The following ACAD10 variants were observed in gnomAD, a reference collection of about 807,000 sequenced individuals.
The protein encoded by ACAD10 is acyl-CoA dehydrogenase family member 10, also known as ACAD-10.
A neutral mutation model predicts 116.8 loss-of-function variants in ACAD10; 112 were observed. The observed-to-expected ratio is 0.96, with a 90% confidence interval of 0.82 to 1.12. The LOEUF (loss-of-function observed/expected upper bound fraction) is 1.12. Ranked by LOEUF, ACAD10 falls within the 50% of genes most tolerant of loss-of-function variation. The pLI, the probability that ACAD10 is intolerant of heterozygous loss-of-function variation, is 0.00. For missense variants in ACAD10, 1,259 were observed against 1,350.2 expected, an observed-to-expected ratio of 0.93 and a Z score of 1.06; for synonymous variants, 486 against 510.6, an observed-to-expected ratio of 0.95 and a Z score of 0.65.
chr12:111,720,541 T>TC (rs371456500), intron 7 of ACAD10, among the ~76,000 whole-genome samples: 3 of 152,198 alleles, frequency 2.0e-5, no homozygotes, highest in Non-Finnish European at 4.4e-5. Context: ...TTTTCAAATG[T>TC]CCCTCTTTAT....
intron 12 of ACAD10, among the ~76,000 whole-genome samples, chr12:111,738,945 C>T (rs111298214): frequency 8.3e-5 from 11 of 132,866 alleles, no homozygotes; most frequent in African/African-American, 3.1e-4. Context: ...TCATTGATGA[C>T]CTCAGAGGTT....
Position 111,704,544 on chromosome 12 carries a change from G to A in ACAD10, c.337-1194G>A, listed in dbSNP as rs1593020586. On this transcript the variant is annotated intron_variant, in intron 3 of 20. Coordinates refer to ENST00000313698, the MANE Select transcript of ACAD10 (RefSeq NM_025247.6). ...CCATTGAATTGTACTCTTTAAATAG[G>A]TGACTTGCATGGCATGTGAATTAGA... Among the ~76,000 whole-genome samples, 4 of 152,194 alleles carry A rather than the reference G, an allele frequency of 2.6e-5. No individual in the cohort carries two copies. In the East Asian group the frequency reaches 5.8e-4, roughly 22 times the overall value.
Position 111,733,926 on chromosome 12 carries a change from C to G in ACAD10, c.1398C>G (p.Leu466=), listed in dbSNP as rs35268705. 6.2e-7 allele frequency: 1 copy of G among 1,614,180 alleles called. No homozygotes were observed. The highest frequency in any genetic ancestry group is 8.5e-7 in the Non-Finnish European group (1 of 1,180,042). Residue 466 remains leucine, a synonymous_variant, in exon 11 of 21, where the codon CTC becomes CTG. Coordinates refer to ENST00000313698, the MANE Select transcript of ACAD10 (RefSeq NM_025247.6). The part of the protein sequence containing the change: ...RTTVVHGDFR[L]DNLVFHPEEP... The stretch of plus-strand genomic sequence containing the variant: ...TATTCCTCCTGCGACTTTTCAGGCT[C>G]GACAACCTGGTGTTTCATCCAGAAG...
At chr12:111,734,848 A>G (rs1269305609) in intron 11 of ACAD10, among the ~76,000 whole-genome samples, 1 of 152,186 alleles carries the variant, frequency 6.6e-6, no homozygotes, top group Non-Finnish European at 1.5e-5. Context: ...TTCATTGTAT[A>G]CTGTAGACAT....
intron 8 of ACAD10, among the ~76,000 whole-genome samples, chr12:111,723,039 G>A (rs1308497716): frequency 4.3e-5 from 6 of 140,396 alleles, no homozygotes; most frequent in South Asian, 4.6e-4. Context: ...CCTCCCTCCC[G>A]GACGGGGCGG....
At chr12:111,712,767 G>A in intron 6 of ACAD10, 110 bp downstream of exon 6, 1 of 1,291,708 alleles carries the variant, frequency 7.7e-7, no homozygotes, top group Non-Finnish European at 1.1e-6. Flanking sequence ...AAGCTTTACA[G>A]TGAGGAAAAT....
intron 7 of ACAD10, 70 bp from the exon 8 acceptor site, chr12:111,721,601 A>G (rs1002040047): frequency 1.4e-6 from 2 of 1,396,188 alleles, no homozygotes; most frequent in Non-Finnish European, 2.0e-6. Context: ...CAAAAAACAA[A>G]GAAAAGTAAC....
In ACAD10 at chr12:111,719,511, C is replaced by T. The variant is rs575840451; in HGVS notation, c.993-2160C>T. Among the ~76,000 whole-genome samples the T allele has an allele frequency of 2.9e-4, 44 of 152,186 alleles. 1 individual carries two copies. Among genetic ancestry groups the T allele is most frequent in the African/African-American group, 8.9e-4 (37 of 41,520 alleles). ...TCATGATCCACCTGCCTCGGCCTCC[C>T]GGAGTGCTGGGATTACAGGCATGAG... On this transcript the variant is annotated intron_variant, in intron 7 of 20. Coordinates refer to ENST00000313698, the MANE Select transcript of ACAD10 (RefSeq NM_025247.6).
chr12:111,747,519 G>T, intron 16 of ACAD10, 134 bp downstream of exon 16: 3 of 1,508,488 alleles, frequency 2.0e-6, no homozygotes, highest in Non-Finnish European at 2.7e-6. Context: ...AGCGCCCCCA[G>T]CAGAGGCAGC....
At chr12:111,732,948 G>A (rs1402425917) in intron 10 of ACAD10, among the ~76,000 whole-genome samples, 4 of 152,220 alleles carry the variant, frequency 2.6e-5, no homozygotes, top group Non-Finnish European at 5.9e-5. Flanking sequence ...GGCGGCTGTC[G>A]GGTGGGGCTG....
chr12:111,707,978 G>A (rs954440408), intron 4 of ACAD10, among the ~76,000 whole-genome samples: 3 of 152,190 alleles, frequency 2.0e-5, no homozygotes, highest in Admixed American at 6.5e-5. Flanking sequence ...ACCCCAAGAC[G>A]CAGTGAGGGA....
At position 111,753,779 on chromosome 12, in the gene ACAD10, C is replaced by T. The variant is rs762511384; in HGVS notation, c.2825C>T (p.Ser942Phe). 3.1e-6 allele frequency: 5 copies of T among 1,613,858 alleles called. No homozygotes were observed. The East Asian group carries it at 1.1e-4, about 36-fold the overall frequency. Residue 942 changes from serine (S) to phenylalanine (F), a missense_variant, in exon 19 of 21, where the codon TCC becomes TTC. Transcript: ENST00000313698. ...CATCTCCTGTGTCGACAGGTGAAGT[C>T]CCGCTTGGCTTTTGGGAAGCCCCTG... ...ALALMKARVK[S>F]RLAFGKPLVE... is the part of the protein sequence containing the mutation.
chr12:111,732,568 C>G (rs1475342779), intron 10 of ACAD10, among the ~76,000 whole-genome samples: 2 of 152,158 alleles, frequency 1.3e-5, no homozygotes, highest in Non-Finnish European at 2.9e-5. Context: ...AAGGTGGACA[C>G]ATGAGTTCTG....
chr12:111,705,686 T>C, intron 3 of ACAD10, 52 bp from the exon 4 acceptor site: 7 of 1,507,046 alleles, frequency 4.6e-6, no homozygotes, highest in Non-Finnish European at 6.3e-6. Flanking sequence ...TGGCCATGAG[T>C]GTTTGTCACT....
At chr12:111,697,687 C>T (rs1343095514) in intron 2 of ACAD10, among the ~76,000 whole-genome samples, 1 of 151,018 alleles carries the variant, frequency 6.6e-6, no homozygotes, top group African/African-American at 2.4e-5. Flanking sequence ...CGGGTTCACA[C>T]CATTCTCCTG....
At chr12:111,742,962 C>T (rs1426968415) in intron 12 of ACAD10, among the ~76,000 whole-genome samples, 1 of 152,102 alleles carries the variant, frequency 6.6e-6, no homozygotes, top group Non-Finnish European at 1.5e-5. Flanking sequence ...CCACCTCAGC[C>T]TCCCAAAGTG....
chr12:111,723,695 C>CCG (rs1491474887), intron 8 of ACAD10, among the ~76,000 whole-genome samples: 25 of 139,902 alleles, frequency 1.8e-4, no homozygotes, highest in African/African-American at 6.8e-4. Flanking sequence ...CCCCCCCCCC[C>CCG]ACCTCCCTCC....
intron 10 of ACAD10, 106 bp from the exon 11 acceptor site, chr12:111,733,817 G>A (rs2135978657): frequency 1.4e-6 from 2 of 1,407,134 alleles, no homozygotes; most frequent in South Asian, 2.5e-5. Flanking sequence ...GCACAGAGGG[G>A]ATGGGAGGGT....
rs927963067 is a variant in ACAD10, at chr12:111,686,145, AG to A, written c.-106del. 6.2e-6 allele frequency: 1 copy of A among 161,628 alleles called. No homozygotes were observed. The highest frequency in any genetic ancestry group is 1.3e-5 in the Non-Finnish European group (1 of 74,346). 10.0% of individuals were successfully genotyped at this position (161,628 alleles called of 1,614,324 possible). A position where few individuals can be genotyped will look rare whatever the true frequency, so the allele number is the denominator to read the frequency against. On this transcript the variant is annotated 5_prime_UTR_variant, in exon 1 of 21. Transcript: ENST00000313698. ...GGGTGCCACACTTAGGCTGAGCTGC[AG>A]GTTTTCGCACAGTCGCGAGTTAACC...
Sources: allele counts gnomAD v4.1 joint callset (sites outside exome capture counted in the v4.1 genomes callset), GRCh38; gene constraint gnomAD v4.1.1; transcripts MANE v1.5; gene names NCBI Gene and HGNC (gene_info 2026-07-23, HGNC 2026-07-21).